Variants in CTBP2 observed in about 807,000 individuals in gnomAD.
CTBP2 encodes C-terminal-binding protein 2.
A neutral mutation model predicts 80.3 loss-of-function variants in CTBP2; 30 were observed. The ratio of observed to expected loss-of-function variants is 0.37; its 90% confidence interval spans 0.28 to 0.51. CTBP2 has a LOEUF of 0.51. Among genes scored for constraint, CTBP2 ranks in the 20% least tolerant of loss-of-function variants. The pLI is 0.93. For synonymous variants in CTBP2, 594 were observed against 587.4 expected (o/e 1.01, Z -0.16); for missense variants, 1,212 against 1,375.3 (o/e 0.88, Z 1.88).
At chr10:125,002,746 G>C (rs1167926371) in intron 3 of CTBP2, among the ~76,000 whole-genome samples, 1 of 152,218 alleles carries the variant, frequency 6.6e-6, no homozygotes, top group African/African-American at 2.4e-5. Flanking sequence ...CAGCCCCGCA[G>C]ACCCCACACA....
In CTBP2 at chr10:125,027,386, G is replaced by A; in HGVS notation, c.374C>T (p.Pro125Leu). The A allele has an allele frequency of 6.2e-7, 1 of 1,613,692 alleles. No individual in the cohort carries two copies. Among genetic ancestry groups the A allele is most frequent in the East Asian group, 2.2e-5 (1 of 44,884 alleles). Residue 125 changes from proline to leucine, a missense_variant, in exon 1 of 9, where the codon CCC becomes CTC. Physicochemically the swap from Pro to Leu is moderately conservative, Grantham distance 98 (BLOSUM62 -3). Transcript: ENST00000309035. Reference sequence around the variant, plus strand: ...GCTGACTCCTGGGTCCCGATAGAGGGGAGGCTCTTTGGGTACCCTAGCAGC... The same window carrying A: ...GCTGACTCCTGGGTCCCGATAGAGGAGAGGCTCTTTGGGTACCCTAGCAGC...
intron 2 of CTBP2, among the ~76,000 whole-genome samples, chr10:125,077,498 C>A (rs1846451837): frequency 6.6e-6 from 1 of 152,128 alleles, no homozygotes; most frequent in South Asian, 2.1e-4. Context: ...CCCGGGCTCG[C>A]AGAAAGGGCT....
Position 125,048,788 on chromosome 10 carries a change from C to G in CTBP2, c.-101-9633G>C, listed in dbSNP as rs1055421648. Among the ~76,000 whole-genome samples, 11 of 152,158 alleles carry G rather than the reference C, an allele frequency of 7.2e-5. 1 individual carries two copies. The highest frequency in any genetic ancestry group is 2.4e-5 in the African/African-American group (1 of 41,428). On this transcript the variant is annotated intron_variant, in intron 2 of 10. Coordinates refer to the CTBP2 transcript ENST00000337195. ...TGGGGAGGGGCCGGCTGGGCTGCTCCGCAAATGCCCCTTAGGCTTTCCATT... is the reference window on the plus strand; with the variant it reads ...TGGGGAGGGGCCGGCTGGGCTGCTCGGCAAATGCCCCTTAGGCTTTCCATT...
chr10:124,997,884 G>T, intron 4 of CTBP2, 80 bp downstream of exon 6: 1 of 1,458,878 alleles, frequency 6.9e-7, no homozygotes, highest in Non-Finnish European at 9.3e-7. Flanking sequence ...GCAGGCTGGG[G>T]TTGCCTTTCC....
At chr10:125,058,829 G>A (rs1964450314) in intron 2 of CTBP2, among the ~76,000 whole-genome samples, 1 of 152,152 alleles carries the variant, frequency 6.6e-6, no homozygotes, top group Non-Finnish European at 1.5e-5. Context: ...GGGAGGCGGT[G>A]GCTGCAGTGA....
intron 5 of CTBP2, among the ~76,000 whole-genome samples, 158 bp from the exon 8 acceptor site, chr10:124,994,143 G>A (rs748376267): frequency 7.2e-5 from 11 of 152,244 alleles, no homozygotes; most frequent in East Asian, 1.9e-4. Context: ...TGTTGGTGAC[G>A]GCTGGAAGCC....
intron 2 of CTBP2, 34 bp from the exon 5 acceptor site, chr10:125,003,138 A>G (rs1954759161): frequency 1.2e-6 from 2 of 1,611,968 alleles, no homozygotes; most frequent in Admixed American, 3.3e-5. Flanking sequence ...TCGGAGCCCC[A>G]CCCCGTGCAG....
chr10:125,053,510 G>A (rs545067241), intron 2 of CTBP2, among the ~76,000 whole-genome samples: 81 of 152,294 alleles, frequency 5.3e-4, no homozygotes, highest in African/African-American at 1.8e-3. Context: ...GGACACCCAG[G>A]GATGAGTGGC....
At chr10:125,021,106 T>C (rs978348137) in intron 1 of CTBP2, among the ~76,000 whole-genome samples, 78 of 152,056 alleles carry the variant, frequency 5.1e-4, no homozygotes, top group Non-Finnish European at 8.5e-4. Flanking sequence ...GCGGCAGAGC[T>C]GGGGGACAAG....
At position 125,105,814 on chromosome 10, in the gene CTBP2, A is replaced by T. The variant is rs149923485; in HGVS notation, c.-102+5176T>A. On this transcript the variant is annotated intron_variant, in intron 2 of 10. Transcript: ENST00000337195. ...CCTCTGCCACTAATCACACCCAGCA[A>T]CACTTGATTAGTAAGCCAACATTTT... is the stretch of plus-strand genomic sequence containing the variant. Among the ~76,000 whole-genome samples, 649 of 152,374 alleles carry T rather than the reference A, an allele frequency of 4.3e-3. 3 individuals are homozygous for T. Among genetic ancestry groups the T allele is most frequent in the African/African-American group, 0.014 (590 of 41,590 alleles).
At chr10:125,114,829 C>A (rs925305579) in intron 1 of CTBP2, among the ~76,000 whole-genome samples, 2 of 128,662 alleles carry the variant, frequency 1.6e-5, no homozygotes, top group African/African-American at 3.0e-5. Context: ...AGAGGCCAGG[C>A]GAGCAGCTCA....
upstream of CTBP2, among the ~76,000 whole-genome samples, chr10:125,028,380 C>T (rs1363822723): frequency 6.6e-6 from 1 of 152,140 alleles, no homozygotes; most frequent in Non-Finnish European, 1.5e-5. Context: ...CTTAATCCAC[C>T]GTGATGAAAC....
chr10:125,123,067 G>C (rs908859701), intron 1 of CTBP2, among the ~76,000 whole-genome samples: 3 of 152,344 alleles, frequency 2.0e-5, no homozygotes, highest in South Asian at 4.1e-4. Context: ...CAGGCTTAGA[G>C]ACCAGGAAGT....
intron 1 of CTBP2, among the ~76,000 whole-genome samples, chr10:125,017,149 AAG>A (rs1032632957): frequency 1.3e-5 from 2 of 152,248 alleles, no homozygotes; most frequent in Admixed American, 6.5e-5. Context: ...GCCAAAGTGC[AAG>A]AAGAGCTTAA....
At chr10:125,125,324 C>A (rs548178479) in intron 1 of CTBP2, among the ~76,000 whole-genome samples, 1 of 152,132 alleles carries the variant, frequency 6.6e-6, no homozygotes, top group African/African-American at 2.4e-5. Context: ...AAACACAGAG[C>A]TTAGATATAT....
rs537972955 is a variant in CTBP2, at chr10:125,045,251, T to C, written c.-101-6096A>G. The stretch of plus-strand genomic sequence containing the variant: ...CCCAGATCCTGGATCTGCCAGATCA[T>C]TAGTTTTACATTTCCTAGGCTCCAG... On this transcript the variant is annotated intron_variant, in intron 2 of 10. Transcript: ENST00000337195. 6.6e-5 allele frequency among the ~76,000 whole-genome samples: 10 copies of C among 152,266 alleles called. No homozygotes were observed. The South Asian group carries it at 1.9e-3, about 28-fold the overall frequency.
In CTBP2 at chr10:125,114,553, T is replaced by C. The variant is rs565750296; in HGVS notation, c.-205-3460A>G. On this transcript the variant is annotated intron_variant, in intron 1 of 10. Transcript: ENST00000337195. ...CCACTGCTTGGGTGTTTTGTTCTTA[T>C]ACTAAGTCAGGCATACAAAAATTAC... Among the ~76,000 whole-genome samples the C allele has an allele frequency of 3.5e-4, 53 of 152,192 alleles. No individual in the cohort carries two copies. The South Asian group carries it at 4.2e-3, about 12-fold the overall frequency.
Position 125,027,513 on chromosome 10 carries a change from T to G in CTBP2, c.247A>C (p.Lys83Gln). 2 of 1,614,096 alleles carry G rather than the reference T, an allele frequency of 1.2e-6. No individual in the cohort carries two copies. The highest frequency in any genetic ancestry group is 8.5e-7 in the Non-Finnish European group (1 of 1,180,002). The change falls in exon 1 of 9, where the codon AAG (lysine) becomes CAG (glutamine). Residue 83 changes from lysine to glutamine, a missense_variant. Lys to Gln is a moderately conservative substitution (Grantham distance 53). Transcript: ENST00000309035. ...AAGGTGAAGTCAGGAGTAGACCCCT[T>G]TCTTGCAGCCACTGAGTTATAAACG...
intron 8 of CTBP2, among the ~76,000 whole-genome samples, chr10:124,991,346 T>C (rs2134076738): frequency 6.6e-6 from 1 of 152,294 alleles, no homozygotes; most frequent in Admixed American, 6.5e-5. Context: ...CATACTGTTC[T>C]AGGGGGCCTA....
Sources: allele counts gnomAD v4.1 joint callset (sites outside exome capture counted in the v4.1 genomes callset), GRCh38; gene constraint gnomAD v4.1.1; transcripts MANE v1.5; gene names NCBI Gene and HGNC (gene_info 2026-07-23, HGNC 2026-07-21).